RGS17: variants seen among roughly 807,000 people sequenced by gnomAD.
The protein encoded by RGS17 is regulator of G-protein signaling 17.
Under a neutral mutation model 25.5 loss-of-function variants are expected in RGS17, and 12 were observed. The ratio of observed to expected loss-of-function variants is 0.47; its 90% confidence interval spans 0.30 to 0.76. The LOEUF is 0.76. RGS17 is among the 30% of genes least tolerant of loss of function. The pLI is 0.07. For synonymous variants in RGS17, 71 were observed against 76.9 expected, an observed-to-expected ratio of 0.92 and a Z score of 0.40; for missense variants, 196 against 242.2, an observed-to-expected ratio of 0.81 and a Z score of 1.27.
At chr6:153,012,873 T>C (rs778496294) in intron 4 of RGS17, among the ~76,000 whole-genome samples, 1 of 152,188 alleles carries the variant, frequency 6.6e-6, no homozygotes, top group Non-Finnish European at 1.5e-5. Context: ...TAATACAGTC[T>C]CTTATTGAAG....
intron 1 of RGS17, among the ~76,000 whole-genome samples, chr6:153,054,001 C>CATATATATT (rs1562321399): frequency 3.3e-5 from 1 of 30,230 alleles, no homozygotes; most frequent in African/African-American, 1.6e-4. Flanking sequence ...AATATATATA[C>CATATATATT]ATATATACGT....
intron 2 of RGS17, among the ~76,000 whole-genome samples, chr6:153,040,749 A>T (rs1176476864): frequency 6.6e-6 from 1 of 152,042 alleles, no homozygotes; most frequent in Non-Finnish European, 1.5e-5. Flanking sequence ...TGAAGTATAA[A>T]AATAATAATA....
chr6:153,107,052 G>A lies in RGS17; in HGVS notation c.-26+24072C>T, dbSNP rs563630730. Reference sequence around the variant, plus strand: ...TATTTTAGTAGTTTGGTATTCATAAGCCGGGCATGGTGGCTCACGCCTGTA... The same window carrying A: ...TATTTTAGTAGTTTGGTATTCATAAACCGGGCATGGTGGCTCACGCCTGTA... On this transcript the variant is annotated intron_variant, in intron 1 of 4. Transcript: ENST00000206262. Among the ~76,000 whole-genome samples the A allele has an allele frequency of 4.6e-5, 7 of 152,124 alleles. No individual in the cohort carries two copies. The South Asian group carries it at 1.5e-3, about 32-fold the overall frequency.
chr6:153,046,420 T>G (rs2129111061), intron 1 of RGS17, among the ~76,000 whole-genome samples: 2 of 152,192 alleles, frequency 1.3e-5, no homozygotes, highest in South Asian at 4.1e-4. Context: ...CATAGAGTGA[T>G]AAGTGACCTT....
chr6:153,084,558 G>A (rs1777027436), intron 1 of RGS17, among the ~76,000 whole-genome samples: 1 of 152,142 alleles, frequency 6.6e-6, no homozygotes, highest in African/African-American at 2.4e-5. Flanking sequence ...AAAGGGAAAG[G>A]AATGATAGAG....
chr6:153,087,291 C>G (rs1458604269), intron 1 of RGS17, among the ~76,000 whole-genome samples: 12 of 152,112 alleles, frequency 7.9e-5, no homozygotes, highest in Admixed American at 7.9e-4. Context: ...AACAAACAAA[C>G]AAACAGCTAA....
intron 1 of RGS17, among the ~76,000 whole-genome samples, chr6:153,115,645 G>A (rs1048613071): frequency 9.2e-5 from 14 of 152,102 alleles, no homozygotes; most frequent in Non-Finnish European, 2.1e-4. Context: ...GAACAAAGCT[G>A]GAGGCATCAC....
At chr6:153,044,249 T>G (rs2295232) in intron 1 of RGS17, among the ~76,000 whole-genome samples, 60,363 of 152,014 alleles carry the variant, frequency 0.4, 12,917 homozygotes, top group East Asian at 0.63. Flanking sequence ...CGTCTACCTT[T>G]ATCTGCTGCA....
In RGS17 at chr6:153,020,150, T is replaced by TC. The variant is rs1779233308; in HGVS notation, c.444+4111_444+4112insG. On this transcript the variant is annotated intron_variant, in intron 4 of 4. Transcript: ENST00000206262. ...TATATATATATATATTTTTTTTTTT[T>TC]TTTTTTTTTTTTTTTTTTTTTGAGA... 3.5e-4 allele frequency among the ~76,000 whole-genome samples: 18 copies of TC among 51,792 alleles called. 1 individual carries two copies. Among genetic ancestry groups the TC allele is most frequent in the African/African-American group, 1.7e-3 (18 of 10,772 alleles). 34.0% of individuals were successfully genotyped at this position (51,792 alleles called of 152,430 possible).
chr6:153,020,104 A>T (rs866866944), intron 4 of RGS17, among the ~76,000 whole-genome samples: 994 of 29,186 alleles, frequency 0.034, 26 homozygotes, highest in African/African-American at 0.099. Context: ...ATATCTTAAA[A>T]AAAAAAAATA....
chr6:153,088,473 A>G (rs1006881001), intron 1 of RGS17, among the ~76,000 whole-genome samples: 3 of 152,238 alleles, frequency 2.0e-5, no homozygotes, highest in African/African-American at 7.2e-5. Flanking sequence ...AAATGCCTAA[A>G]TTTAAATAAA....
At chr6:153,039,538 A>G (rs904390429) in intron 2 of RGS17, among the ~76,000 whole-genome samples, 5 of 152,168 alleles carry the variant, frequency 3.3e-5, no homozygotes, top group Admixed American at 6.5e-5. Flanking sequence ...TCTAATTTTT[A>G]CACACAGGGA....
chr6:153,042,344 G>A (rs528759675), intron 2 of RGS17, among the ~76,000 whole-genome samples: 52 of 152,264 alleles, frequency 3.4e-4, no homozygotes, highest in South Asian at 1.2e-3. Flanking sequence ...TGGGAAGGAC[G>A]CGGTGGCAGG....
rs555110743 is a variant in RGS17 at position 153,025,019 on chromosome 6, T to C, written c.210-523A>G. ...TGTCACATATTTTCCTAAACTTTAA[T>C]AATTTTTCTGTTGGGCATGGTGGTT... On this transcript the variant is annotated intron_variant, in intron 3 of 4. Transcript: ENST00000206262. Among the ~76,000 whole-genome samples, 4 of 152,232 alleles carry C rather than the reference T, an allele frequency of 2.6e-5. No homozygotes were observed. The South Asian group carries it at 8.3e-4, about 32-fold the overall frequency.
chr6:153,023,249 C>G (rs1047955275), intron 4 of RGS17: 25 of 308,298 alleles, frequency 8.1e-5, no homozygotes, highest in African/African-American at 5.4e-4. Context: ...GGAGGAGGAA[C>G]AGATGACTGT....
At chr6:153,121,430 A>G (rs1200589201) in intron 1 of RGS17, among the ~76,000 whole-genome samples, 1 of 152,144 alleles carries the variant, frequency 6.6e-6, no homozygotes, top group Non-Finnish European at 1.5e-5. Flanking sequence ...GCCAAAGTTG[A>G]TTTTGGTTGC....
chr6:153,082,718 T>C (rs909886754), intron 1 of RGS17, among the ~76,000 whole-genome samples: 1 of 152,220 alleles, frequency 6.6e-6, no homozygotes, highest in African/African-American at 2.4e-5. Context: ...TACTGTGTTT[T>C]TGCATCTCTA....
chr6:153,116,937 T>G (rs566104931), intron 1 of RGS17, among the ~76,000 whole-genome samples: 69 of 152,012 alleles, frequency 4.5e-4, no homozygotes, highest in African/African-American at 1.5e-3. Context: ...GGTGGGGGAC[T>G]AGGGGAGGGG....
At chr6:153,029,791 A>G (rs2129107696) in intron 2 of RGS17, among the ~76,000 whole-genome samples, 1 of 152,220 alleles carries the variant, frequency 6.6e-6, no homozygotes, top group South Asian at 2.1e-4. Context: ...GGGTTTCACC[A>G]TGTTGGTCAG....
Sources: allele counts gnomAD v4.1 joint callset (sites outside exome capture counted in the v4.1 genomes callset), GRCh38; gene constraint gnomAD v4.1.1; transcripts MANE v1.5; gene names NCBI Gene and HGNC (gene_info 2026-07-23, HGNC 2026-07-21).